DNAJC5B: variants seen among roughly 807,000 people sequenced by gnomAD.
DNAJC5B encodes the protein dnaJ homolog subfamily C member 5B.
In DNAJC5B, 23 loss-of-function variants were observed where a neutral mutation model predicts 24.7. The observed-to-expected ratio is 0.93, with a 90% CI of 0.67 to 1.32. The LOEUF is 1.32. Among genes scored for constraint, DNAJC5B ranks in the 40% most tolerant of loss-of-function variants. The probability of loss-of-function intolerance (pLI) is 0.00; values close to 1 mark genes in which losing one functional copy is unlikely to be tolerated. For missense variants in DNAJC5B, 238 were observed against 240.8 expected, an observed-to-expected ratio of 0.99 and a Z score of 0.08; for synonymous variants, 101 against 90.1, an observed-to-expected ratio of 1.12 and a Z score of -0.68.
intron 3 of DNAJC5B, among the ~76,000 whole-genome samples, chr8:66,054,554 T>G (rs1806922312): frequency 6.6e-6 from 1 of 152,226 alleles, no homozygotes; most frequent in Non-Finnish European, 1.5e-5. Flanking sequence ...TTCTTTGGGT[T>G]AGGGTTGGAA....
chr8:66,093,994 A>T lies in DNAJC5B; in HGVS notation c.506-5943A>T, dbSNP rs148289835. ...TCTAATTTTGGTTTTGATAAACATT[A>T]AGTTTCAATAGATATATGGAGCAGT... On this transcript the variant is annotated intron_variant, in intron 5 of 5. Coordinates refer to ENST00000276570, the MANE Select transcript of DNAJC5B (RefSeq NM_033105.6). Among the ~76,000 whole-genome samples the T allele has an allele frequency of 7.8e-3, 1,186 of 152,238 alleles. 8 individuals are homozygous for T. Among genetic ancestry groups the T allele is most frequent in the Non-Finnish European group, 0.013 (869 of 67,990 alleles).
intron 3 of DNAJC5B, among the ~76,000 whole-genome samples, chr8:66,061,705 A>C (rs1807085940): frequency 6.6e-6 from 1 of 152,102 alleles, no homozygotes; most frequent in Non-Finnish European, 1.5e-5. Context: ...AGAATGTTAC[A>C]ACTGTTTTAT....
chr8:66,069,091 AAACC>A (rs1327098554), intron 3 of DNAJC5B, among the ~76,000 whole-genome samples: 1 of 152,102 alleles, frequency 6.6e-6, no homozygotes, highest in Non-Finnish European at 1.5e-5. Context: ...TATAATTTCT[AAACC>A]AACAGGGAAA....
At chr8:66,062,127 T>C (rs1443316280) in intron 3 of DNAJC5B, among the ~76,000 whole-genome samples, 1 of 152,270 alleles carries the variant, frequency 6.6e-6, no homozygotes, top group African/African-American at 2.4e-5. Flanking sequence ...CTCACTGTAC[T>C]TTCAGCCCTA....
chr8:66,042,999 T>C (rs796093585), intron 1 of DNAJC5B, among the ~76,000 whole-genome samples: 2 of 152,018 alleles, frequency 1.3e-5, no homozygotes, highest in Admixed American at 6.6e-5. Flanking sequence ...CTCTAAATCA[T>C]AGGAATTGTT....
At chr8:66,022,539 C>A (rs1324601429) in intron 1 of DNAJC5B, among the ~76,000 whole-genome samples, 1 of 152,124 alleles carries the variant, frequency 6.6e-6, no homozygotes, top group East Asian at 1.9e-4. Context: ...GAGTAAGAGT[C>A]CATGTTCTGA....
At chr8:66,041,920 G>A (rs1393103128) in intron 1 of DNAJC5B, among the ~76,000 whole-genome samples, 1 of 152,118 alleles carries the variant, frequency 6.6e-6, no homozygotes, top group Non-Finnish European at 1.5e-5. Context: ...TAAGCACGTA[G>A]GACCTTTGAA....
At position 66,076,254 on chromosome 8, in the gene DNAJC5B, G is replaced by T. The variant is rs182786420; in HGVS notation, c.120-406G>T. ...TTTAGAATATATGTTGTGACGTTCT[G>T]TTAATTCTGGAAAATTCTTCTGGTT... is the stretch of plus-strand genomic sequence containing the variant. On this transcript the variant is annotated intron_variant, in intron 3 of 5. Transcript: ENST00000276570. 1.4e-4 allele frequency among the ~76,000 whole-genome samples: 21 copies of T among 152,290 alleles called. No homozygotes were observed. The East Asian group carries it at 3.1e-3, about 22-fold the overall frequency.
chr8:66,016,112 G>A, the DNAJC5B span, among the ~76,000 whole-genome samples: 1 of 152,216 alleles, frequency 6.6e-6, no homozygotes, highest in East Asian at 1.9e-4. Flanking sequence ...GGTGCCTTAT[G>A]GCCACATCCT....
intron 1 of DNAJC5B, among the ~76,000 whole-genome samples, chr8:66,037,875 G>A (rs1806523095): frequency 6.6e-6 from 1 of 152,192 alleles, no homozygotes; most frequent in African/African-American, 2.4e-5. Context: ...GGGCATGGCT[G>A]TGACCTCCAC....
intron 1 of DNAJC5B, among the ~76,000 whole-genome samples, chr8:66,040,664 C>T (rs527452869): frequency 4.6e-5 from 7 of 152,154 alleles, no homozygotes; most frequent in South Asian, 2.1e-4. Context: ...TCTTTAGAAC[C>T]GCCCCATGAG....
intron 1 of DNAJC5B, among the ~76,000 whole-genome samples, chr8:66,037,067 A>T (rs1352522917): frequency 6.6e-6 from 1 of 152,084 alleles, no homozygotes; most frequent in Admixed American, 6.5e-5. Flanking sequence ...GAGTTGTTCC[A>T]CTTAGCATCT....
intron 2 of DNAJC5B, among the ~76,000 whole-genome samples, chr8:66,047,515 C>T (rs1054274061): frequency 6.6e-6 from 1 of 152,118 alleles, no homozygotes; most frequent in South Asian, 2.1e-4. Flanking sequence ...CTCAGAAAAC[C>T]GTTTTATTTA....
chr8:66,075,458 A>G (rs1807441321), intron 3 of DNAJC5B, among the ~76,000 whole-genome samples: 1 of 152,046 alleles, frequency 6.6e-6, no homozygotes, highest in Non-Finnish European at 1.5e-5. Flanking sequence ...TATAGTAAAC[A>G]TAAAAGTAAA....
chr8:66,063,224 G>A (rs1029052132), intron 3 of DNAJC5B, among the ~76,000 whole-genome samples: 1 of 152,164 alleles, frequency 6.6e-6, no homozygotes, highest in African/African-American at 2.4e-5. Context: ...GAAATGAGTT[G>A]CCTCAGAGTA....
chr8:66,023,157 C>A (rs1806177932), intron 1 of DNAJC5B, among the ~76,000 whole-genome samples: 1 of 152,202 alleles, frequency 6.6e-6, no homozygotes, highest in Non-Finnish European at 1.5e-5. Flanking sequence ...CTAAGGGTAT[C>A]AAGCTAGTTA....
chr8:66,021,830 AG>A (rs1347758953), intron 1 of DNAJC5B, 125 bp downstream of exon 1: 10 of 152,378 alleles, frequency 6.6e-5, no homozygotes, highest in African/African-American at 2.4e-4. Context: ...GCCAACAGCC[AG>A]GCTGCTTGCC....
chr8:66,026,428 G>A (rs571916327), intron 1 of DNAJC5B, among the ~76,000 whole-genome samples: 3 of 152,312 alleles, frequency 2.0e-5, no homozygotes, highest in Non-Finnish European at 2.9e-5. Context: ...TTGAATTACC[G>A]GAGAAGATGC....
At chr8:66,018,275 T>C (rs1181712748), upstream of DNAJC5B, among the ~76,000 whole-genome samples, 2 of 152,054 alleles carry the variant, frequency 1.3e-5, no homozygotes, top group Non-Finnish European at 2.9e-5. Context: ...TCCCAGCACT[T>C]TGGGAGGCCG....
Sources: gnomAD v4.1 joint callset for allele counts (sites outside exome capture counted in the v4.1 genomes callset) on GRCh38, gnomAD v4.1.1 for gene constraint, MANE v1.5 for transcripts, NCBI Gene and HGNC (gene_info 2026-07-23, HGNC 2026-07-21) for gene names.